LSAMP: variants seen among roughly 807,000 people sequenced by gnomAD.
LSAMP encodes limbic system-associated membrane protein.
A neutral mutation model predicts 38.6 loss-of-function variants in LSAMP; 7 were observed. The observed-to-expected ratio is 0.18, with a 90% CI of 0.10 to 0.34. LSAMP has a LOEUF of 0.34. Among genes scored for constraint, LSAMP ranks in the 10% least tolerant of loss-of-function variants. The pLI, the probability that LSAMP is intolerant of heterozygous loss-of-function variation, is 1.00. For synonymous variants in LSAMP, 154 were observed against 166.8 expected (o/e 0.92, Z 0.59); for missense variants, 313 against 420.0 (o/e 0.75, Z 2.23).
At chr3:115,864,253 T>C (rs1343285057) in intron 3 of LSAMP, among the ~76,000 whole-genome samples, 2 of 144,120 alleles carry the variant, frequency 1.4e-5, no homozygotes, top group Non-Finnish European at 3.0e-5. Flanking sequence ...CTCCACTCCA[T>C]GGCACGTTGC....
chr3:115,919,835 C>T (rs895199427), intron 3 of LSAMP, among the ~76,000 whole-genome samples: 2 of 152,170 alleles, frequency 1.3e-5, no homozygotes, highest in African/African-American at 2.4e-5. Flanking sequence ...TGCTCTCAAA[C>T]GCCTGACCTC....
chr3:115,877,279 C>T (rs1314669158), intron 3 of LSAMP, among the ~76,000 whole-genome samples: 5 of 151,972 alleles, frequency 3.3e-5, no homozygotes, highest in Non-Finnish European at 1.5e-5. Flanking sequence ...TTCCTGCCTC[C>T]TTCCTCCCTC....
intron 1 of LSAMP, among the ~76,000 whole-genome samples, chr3:116,261,721 G>A (rs1169946810): frequency 3.3e-5 from 5 of 151,836 alleles, no homozygotes; most frequent in African/African-American, 1.2e-4. Context: ...CACAAAATGT[G>A]GCTGATCTTG....
intron 2 of LSAMP, among the ~76,000 whole-genome samples, chr3:116,046,639 CA>C (rs1052382987): frequency 2.0e-5 from 3 of 152,184 alleles, no homozygotes; most frequent in African/African-American, 7.2e-5. Context: ...AGCACCCCAG[CA>C]ACGTCAGATA....
chr3:116,270,520 C>T (rs752317704), intron 1 of LSAMP, among the ~76,000 whole-genome samples: 6 of 152,098 alleles, frequency 3.9e-5, no homozygotes, highest in African/African-American at 1.2e-4. Flanking sequence ...GCAGTAGCCT[C>T]GGACCTTCAG....
chr3:116,246,693 G>T (rs552942817), intron 1 of LSAMP, among the ~76,000 whole-genome samples: 3 of 152,200 alleles, frequency 2.0e-5, no homozygotes, highest in Non-Finnish European at 4.4e-5. Flanking sequence ...GCAAGAAGGG[G>T]AGGGCGTGTC....
chr3:116,439,312 TTTTGTTG>T (rs1358737629), intron 1 of LSAMP, among the ~76,000 whole-genome samples: 25 of 123,666 alleles, frequency 2.0e-4, no homozygotes, highest in Non-Finnish European at 4.5e-4. Flanking sequence ...GGTCCTGAGA[TTTTGTTG>T]TTTTTTTTTT....
intron 1 of LSAMP, among the ~76,000 whole-genome samples, chr3:116,169,302 T>A (rs572675854): frequency 6.6e-6 from 1 of 152,264 alleles, no homozygotes; most frequent in South Asian, 2.1e-4. Flanking sequence ...AAACTTAAAT[T>A]GCTTTTCTCC....
intron 1 of LSAMP, among the ~76,000 whole-genome samples, chr3:116,327,817 T>C (rs78683259): frequency 0.033 from 4,971 of 152,188 alleles, 268 homozygotes; most frequent in African/African-American, 0.11. Flanking sequence ...CTTGAAAAAA[T>C]TTTAACAAGC....
intron 1 of LSAMP, among the ~76,000 whole-genome samples, chr3:116,434,895 C>T (rs2049328202): frequency 6.6e-6 from 1 of 152,116 alleles, no homozygotes; most frequent in South Asian, 2.1e-4. Context: ...GATCGAGTGA[C>T]ATTTTTAGAT....
intron 1 of LSAMP, among the ~76,000 whole-genome samples, chr3:116,332,305 G>T (rs1385689424): frequency 6.6e-6 from 1 of 151,942 alleles, no homozygotes; most frequent in East Asian, 1.9e-4. Context: ...TATATTTTGG[G>T]GCACAAAATG....
chr3:116,271,007 A>G (rs933471622), intron 1 of LSAMP, among the ~76,000 whole-genome samples: 1 of 152,100 alleles, frequency 6.6e-6, no homozygotes, highest in Non-Finnish European at 1.5e-5. Context: ...TTCATAAGTA[A>G]CATGCTAGAA....
At chr3:116,391,836 T>C (rs1414658971) in intron 1 of LSAMP, among the ~76,000 whole-genome samples, 1 of 152,126 alleles carries the variant, frequency 6.6e-6, no homozygotes, top group East Asian at 1.9e-4. Context: ...GGTGTCGGTT[T>C]CTTGCGCCTT....
intron 1 of LSAMP, among the ~76,000 whole-genome samples, chr3:116,341,751 G>T (rs1181395353): frequency 6.6e-6 from 1 of 151,930 alleles, no homozygotes; most frequent in African/African-American, 2.4e-5. Context: ...AAAATATAGA[G>T]AAATGACTCC....
intron 3 of LSAMP, among the ~76,000 whole-genome samples, chr3:115,996,649 A>T (rs1193110342): frequency 1.3e-5 from 2 of 152,146 alleles, no homozygotes; most frequent in African/African-American, 4.8e-5. Context: ...ATGTGGGGAA[A>T]AAAAACAACA....
chr3:116,275,363 C>A (rs1291159626), intron 1 of LSAMP, among the ~76,000 whole-genome samples: 2 of 152,150 alleles, frequency 1.3e-5, no homozygotes, highest in African/African-American at 2.4e-5. Flanking sequence ...CCACCGCCCA[C>A]ATTTTTGTTT....
chr3:115,839,187 A>G (rs577973625), intron 6 of LSAMP, among the ~76,000 whole-genome samples: 1 of 152,110 alleles, frequency 6.6e-6, no homozygotes, highest in East Asian at 1.9e-4. Flanking sequence ...CAATTGACCC[A>G]CACGTGTACT....
chr3:116,023,974 C>G (rs1020416249), intron 2 of LSAMP, among the ~76,000 whole-genome samples: 3 of 152,126 alleles, frequency 2.0e-5, no homozygotes, highest in Non-Finnish European at 4.4e-5. Flanking sequence ...ACCCTCTTTC[C>G]CCTTTCAAAT....
intron 1 of LSAMP, among the ~76,000 whole-genome samples, chr3:116,284,204 A>T (rs1229757965): frequency 6.6e-6 from 1 of 152,068 alleles, no homozygotes. Flanking sequence ...CCACTAAGAG[A>T]TCTATTGTTT....
Sources: gnomAD v4.1 joint callset for allele counts (sites outside exome capture counted in the v4.1 genomes callset) on GRCh38, gnomAD v4.1.1 for gene constraint, MANE v1.5 for transcripts, NCBI Gene and HGNC (gene_info 2026-07-23, HGNC 2026-07-21) for gene names.